Variants in MED13L observed in about 807,000 individuals in gnomAD.
The protein encoded by MED13L is mediator complex subunit 13L.
MED13L carries 7 observed loss-of-function variants against 220.9 expected under a neutral mutation model. That is an observed-to-expected ratio of 0.03 (90% CI 0.02 to 0.06). The LOEUF (loss-of-function observed/expected upper bound fraction) is 0.06, where lower values mean the gene tolerates loss of function less well. MED13L is among the 10% of genes least tolerant of loss of function. The pLI, the probability that MED13L is intolerant of heterozygous loss-of-function variation, is 1.00. For synonymous variants in MED13L, 1,011 were observed against 1,015.2 expected (o/e 1.00, Z 0.08); for missense variants, 1,965 against 2,760.5 (o/e 0.71, Z 6.46).
chr12:115,959,267 T>C lies in MED13L; in HGVS notation c.*1999A>G, dbSNP rs1439258800. ...AAGACACCAGATGAAAACTACCCTT[T>C]GCTGCCATTTTTTTTAAAGTTTTTT... On this transcript the variant is annotated 3_prime_UTR_variant, in exon 31 of 31. Coordinates refer to ENST00000281928, the MANE Select transcript of MED13L (RefSeq NM_015335.5). 1 of 152,556 alleles carries C rather than the reference T, an allele frequency of 6.6e-6. No individual in the cohort carries two copies. Among genetic ancestry groups the C allele is most frequent in the African/African-American group, 2.4e-5 (1 of 41,448 alleles). 9.5% of individuals were successfully genotyped at this position (152,556 alleles called of 1,614,324 possible). A position where few individuals can be genotyped will look rare whatever the true frequency, so the allele number is the denominator to read the frequency against.
At chr12:116,265,173 TCAC>T (rs1019830887) in intron 1 of MED13L, among the ~76,000 whole-genome samples, 1 of 152,340 alleles carries the variant, frequency 6.6e-6, no homozygotes, top group African/African-American at 2.4e-5. Flanking sequence ...CCTTCAAGGT[TCAC>T]CACGATTGTC....
At chr12:116,049,824 G>A (rs1294320096) in intron 4 of MED13L, among the ~76,000 whole-genome samples, 1 of 152,092 alleles carries the variant, frequency 6.6e-6, no homozygotes, top group Non-Finnish European at 1.5e-5. Context: ...AATTCTAAGA[G>A]TTTTTCAAAT....
intron 2 of MED13L, among the ~76,000 whole-genome samples, chr12:116,132,302 T>A (rs984708249): frequency 7.4e-5 from 10 of 134,662 alleles, no homozygotes; most frequent in African/African-American, 2.2e-4. Context: ...AAAAAAAAAA[T>A]CAGTACCAAA....
At chr12:116,075,138 A>G (rs906196307) in intron 4 of MED13L, among the ~76,000 whole-genome samples, 15 of 152,180 alleles carry the variant, frequency 9.9e-5, no homozygotes, top group Non-Finnish European at 2.2e-4. Flanking sequence ...TTAAACCACT[A>G]TATCTTACCT....
At chr12:116,200,432 A>G (rs1881938210) in intron 2 of MED13L, among the ~76,000 whole-genome samples, 2 of 152,342 alleles carry the variant, frequency 1.3e-5, no homozygotes, top group South Asian at 4.1e-4. Context: ...GTTCAAAATA[A>G]TTTGAAACTT....
chr12:116,273,417 C>T (rs978074766), intron 1 of MED13L, among the ~76,000 whole-genome samples: 2 of 151,922 alleles, frequency 1.3e-5, no homozygotes, highest in African/African-American at 4.8e-5. Context: ...TGTATTTTGG[C>T]ACTTTGAAAA....
chr12:116,038,486 TTA>T (rs1311577072), intron 4 of MED13L, among the ~76,000 whole-genome samples: 1 of 152,200 alleles, frequency 6.6e-6, no homozygotes, highest in African/African-American at 2.4e-5. Flanking sequence ...TCAGGAATGT[TTA>T]TGTTTTACAA....
intron 2 of MED13L, among the ~76,000 whole-genome samples, chr12:116,129,639 T>C (rs916980219): frequency 6.6e-6 from 1 of 152,170 alleles, no homozygotes; most frequent in Admixed American, 6.5e-5. Flanking sequence ...CCGGGCACGG[T>C]GGCTCACGCC....
rs1006266658 is a variant in MED13L, at chr12:116,017,938, CTTTTTTTT to C, written c.1009+1278_1009+1285del. Among the ~76,000 whole-genome samples the C allele has an allele frequency of 2.1e-5, 3 of 144,466 alleles. No individual in the cohort carries two copies. The Admixed American group carries it at 2.1e-4, about 10-fold the overall frequency. The allele number at this position is 144,466 out of a possible 152,430, so 94.8% of individuals were successfully genotyped here. On this transcript the variant is annotated intron_variant, in intron 7 of 30. Transcript: ENST00000281928. The stretch of plus-strand genomic sequence containing the variant: ...GCCTTGGATGTACTTTTCTTTTCTT[CTTTTTTTT>C]TTTTTAACCATCTCAGCAAATACAT...
intron 2 of MED13L, among the ~76,000 whole-genome samples, chr12:116,182,504 C>T (rs963613399): frequency 6.6e-6 from 1 of 152,156 alleles, no homozygotes; most frequent in Non-Finnish European, 1.5e-5. Context: ...TCTCTCTTTT[C>T]TCTTACACTA....
chr12:116,186,322 C>T (rs144377654), intron 2 of MED13L, among the ~76,000 whole-genome samples: 60 of 152,238 alleles, frequency 3.9e-4, no homozygotes, highest in African/African-American at 1.3e-3. Flanking sequence ...ACTGATTGAA[C>T]GTAAAGTCAG....
intron 1 of MED13L, among the ~76,000 whole-genome samples, chr12:116,242,662 A>C (rs946613245): frequency 6.6e-6 from 1 of 152,202 alleles, no homozygotes; most frequent in African/African-American, 2.4e-5. Flanking sequence ...TAGAGTTTTC[A>C]TATATTATTT....
intron 1 of MED13L, among the ~76,000 whole-genome samples, chr12:116,261,593 T>A (rs1474875301): frequency 6.6e-6 from 1 of 152,162 alleles, no homozygotes; most frequent in African/African-American, 2.4e-5. Flanking sequence ...CTTTGATTTC[T>A]GTAGGGTTTA....
intron 14 of MED13L, among the ~76,000 whole-genome samples, chr12:115,999,444 T>C (rs904687154): frequency 3.3e-5 from 5 of 152,078 alleles, no homozygotes; most frequent in Admixed American, 1.3e-4. Context: ...CTTTAACCTT[T>C]AGTCCCTATT....
intron 2 of MED13L, among the ~76,000 whole-genome samples, chr12:116,137,852 ATTTT>A (rs5801166): frequency 8.4e-6 from 1 of 118,480 alleles, no homozygotes. Context: ...TAATGAGGTA[ATTTT>A]TTTTTTTTTT....
In MED13L at chr12:116,032,976, C is replaced by A. The variant is rs574887944; in HGVS notation, c.480-10375G>T. Among the ~76,000 whole-genome samples the A allele has an allele frequency of 2.7e-5, 4 of 150,614 alleles. No homozygotes were observed. The South Asian group carries it at 8.5e-4, about 32-fold the overall frequency. ...GGGAGAAGAATATAGGAAAGGGTGG[C>A]GGGGAGAAGGAAGTGAAGAAGAGGA... is the stretch of plus-strand genomic sequence containing the variant. On this transcript the variant is annotated intron_variant, in intron 4 of 30. Coordinates refer to ENST00000281928, the MANE Select transcript of MED13L (RefSeq NM_015335.5).
intron 1 of MED13L, among the ~76,000 whole-genome samples, chr12:116,273,371 T>C (rs1238965221): frequency 6.6e-6 from 1 of 152,140 alleles, no homozygotes; most frequent in Non-Finnish European, 1.5e-5. Flanking sequence ...ACATAAATTA[T>C]AAAATCACAA....
At chr12:116,119,658 A>G (rs967024767) in intron 2 of MED13L, among the ~76,000 whole-genome samples, 1 of 151,434 alleles carries the variant, frequency 6.6e-6, no homozygotes, top group African/African-American at 2.4e-5. Flanking sequence ...TTAAAAACTT[A>G]GCTGAATTTG....
rs746923184 is a variant in MED13L at position 116,253,753 on chromosome 12, G to GTT, written c.73-16050_73-16049dup. ...AATACCCACCTTCACGGTTTTTTTT[G>GTT]TTTTTTTTTTTTTTTTTTTTTTTTT... On this transcript the variant is annotated intron_variant, in intron 1 of 30. Coordinates refer to ENST00000281928, the MANE Select transcript of MED13L (RefSeq NM_015335.5). Among the ~76,000 whole-genome samples, 230 of 76,570 alleles carry GTT rather than the reference G, an allele frequency of 3.0e-3. 9 individuals carry two copies. Among genetic ancestry groups the GTT allele is most frequent in the African/African-American group, 4.9e-3 (92 of 18,718 alleles). 50.2% of individuals were successfully genotyped at this position (76,570 alleles called of 152,430 possible).
Sources: allele counts gnomAD v4.1 joint callset (sites outside exome capture counted in the v4.1 genomes callset), GRCh38; gene constraint gnomAD v4.1.1; transcripts MANE v1.5; gene names NCBI Gene and HGNC (gene_info 2026-07-23, HGNC 2026-07-21).